NAT1: variants seen among roughly 807,000 people sequenced by gnomAD.
The protein encoded by NAT1 is N-acetyltransferase 1, also known as arylamine N-acetyltransferase 1.
For missense variants in NAT1, 400 were observed against 339.2 expected (o/e 1.18, Z -1.41); for synonymous variants, 144 against 122.6 (o/e 1.17, Z -1.16).
rs149824115 is a variant in NAT1, at chr8:18,217,085, G to A, written c.-85-2326G>A. 13 of 813,490 alleles carry A rather than the reference G, an allele frequency of 1.6e-5. No individual in the cohort carries two copies. The South Asian group carries it at 2.3e-4, about 14-fold the overall frequency. The allele number at this position is 813,490 out of a possible 1,614,324, so 50.4% of individuals were successfully genotyped here. On this transcript the variant is annotated intron_variant, in intron 1 of 2. Transcript: ENST00000307719. Reference sequence around the variant, plus strand: ...TGGGTGCTGTGAGTCTGGGGAATTAGTGAGAATTTCCTTTATTTGTTATAT... The same window carrying A: ...TGGGTGCTGTGAGTCTGGGGAATTAATGAGAATTTCCTTTATTTGTTATAT...
In NAT1 at chr8:18,200,041, G is replaced by C. The variant is rs985345864; in HGVS notation, n.93-9740G>C. 3.3e-5 allele frequency among the ~76,000 whole-genome samples: 5 copies of C among 152,124 alleles called. No individual in the cohort carries two copies. The South Asian group carries it at 8.3e-4, about 25-fold the overall frequency. ...GATGCTGGTGAGGTTGTGGAGAAAA[G>C]GTAACACTTATCAGGTTGTGGAGAA... is the stretch of plus-strand genomic sequence containing the variant. On this transcript the variant is annotated intron_variant and non_coding_transcript_variant, in intron 2 of 4. Transcript: ENST00000517441.
chr8:18,215,394 T>C (rs1804543907), intron 1 of NAT1, among the ~76,000 whole-genome samples: 1 of 152,226 alleles, frequency 6.6e-6, no homozygotes, highest in African/African-American at 2.4e-5. Flanking sequence ...AGTAGGAATA[T>C]CAAGCTTTTC....
upstream of NAT1, among the ~76,000 whole-genome samples, chr8:18,209,358 A>G (rs906142021): frequency 6.6e-6 from 1 of 152,260 alleles, no homozygotes; most frequent in Non-Finnish European, 1.5e-5. Flanking sequence ...GAAATGATAA[A>G]TGTTTGAAGT....
At chr8:18,172,962 A>G (rs1802151800) in intron 2 of NAT1, among the ~76,000 whole-genome samples, 1 of 152,126 alleles carries the variant, frequency 6.6e-6, no homozygotes, top group Non-Finnish European at 1.5e-5. Flanking sequence ...AAAGCATGTG[A>G]GGCTAGACGC....
intron 1 of NAT1, among the ~76,000 whole-genome samples, chr8:18,213,284 C>A (rs1280781055): frequency 2.0e-5 from 3 of 151,920 alleles, no homozygotes; most frequent in African/African-American, 7.3e-5. Flanking sequence ...GTCTAAAAAA[C>A]TTTAGACAGG....
At chr8:18,184,182 A>G (rs1802638162) in intron 2 of NAT1, among the ~76,000 whole-genome samples, 1 of 152,182 alleles carries the variant, frequency 6.6e-6, no homozygotes, top group Admixed American at 6.5e-5. Context: ...TGTTGAAGAA[A>G]TTCATGCCTC....
At chr8:18,171,611 A>C (rs961373428) in intron 2 of NAT1, among the ~76,000 whole-genome samples, 1 of 152,194 alleles carries the variant, frequency 6.6e-6, no homozygotes, top group Admixed American at 6.5e-5. Context: ...TAGCTAAGGT[A>C]TTTCTGCACA....
chr8:18,219,555 G>C, intron 2 of NAT1, 66 bp downstream of exon 2: 1 of 820,146 alleles, frequency 1.2e-6, no homozygotes, highest in African/African-American at 1.7e-5. Flanking sequence ...CCTCCTTTAA[G>C]TCTTATATTT....
intron 2 of NAT1, among the ~76,000 whole-genome samples, chr8:18,204,022 A>G (rs1193658649): frequency 6.6e-6 from 1 of 152,172 alleles, no homozygotes; most frequent in Non-Finnish European, 1.5e-5. Flanking sequence ...AGGGTGGGGC[A>G]ACCAGCCTTC....
At chr8:18,195,801 C>T (rs1209222048) in intron 2 of NAT1, among the ~76,000 whole-genome samples, 1 of 152,086 alleles carries the variant, frequency 6.6e-6, no homozygotes, top group Non-Finnish European at 1.5e-5. Context: ...GGTTCACTTT[C>T]AAAGTCGTGT....
chr8:18,174,919 G>T (rs1274840778), intron 2 of NAT1, among the ~76,000 whole-genome samples: 1 of 151,960 alleles, frequency 6.6e-6, no homozygotes, highest in Non-Finnish European at 1.5e-5. Context: ...AAGGGTTTAC[G>T]GTCTCCCCAC....
At chr8:18,192,802 G>T (rs1440700341) in intron 2 of NAT1, among the ~76,000 whole-genome samples, 2 of 150,706 alleles carry the variant, frequency 1.3e-5, no homozygotes, top group Admixed American at 1.3e-4. Flanking sequence ...AGAACACATG[G>T]ACACAGGAAG....
chr8:18,222,551 G>A lies in NAT1; in HGVS notation c.504G>A (p.Gln168=). 2 of 1,614,096 alleles carry A rather than the reference G, an allele frequency of 1.2e-6. No homozygotes were observed. Among genetic ancestry groups the A allele is most frequent in the Non-Finnish European group, 1.7e-6 (2 of 1,179,992 alleles). ...FWYLDQIRRE[Q]YIPNEEFLHS... is the part of the protein sequence containing the mutation. ...ATCTAGACCAAATCAGAAGGGAACA[G>A]TACATTCCAAATGAAGAATTTCTTC... Residue 168 remains glutamine (Q), a synonymous_variant, in exon 3 of 3, where the codon CAG becomes CAA. Coordinates refer to ENST00000307719, the MANE Select transcript of NAT1 (RefSeq NM_000662.8).
Position 18,193,631 on chromosome 8 carries a change from C to CTTT in NAT1, n.93-16129_93-16127dup, listed in dbSNP as rs796247875. ...TGTAATAATGCTACCTGTAAACCTG[C>CTTT]TTTTTTTTTTTTTTTTTTTTTTTCG... On this transcript the variant is annotated intron_variant and non_coding_transcript_variant, in intron 2 of 4. Transcript: ENST00000517441. 4.7e-3 allele frequency among the ~76,000 whole-genome samples: 268 copies of CTTT among 57,550 alleles called. 14 individuals carry two copies. The highest frequency in any genetic ancestry group is 0.023 in the Middle Eastern group (1 of 44). 37.8% of individuals were successfully genotyped at this position (57,550 alleles called of 152,430 possible). A position where few individuals can be genotyped will look rare whatever the true frequency, so the allele number is the denominator to read the frequency against.
intron 1 of NAT1, chr8:18,217,138 G>A: frequency 1.7e-6 from 1 of 599,194 alleles, no homozygotes; most frequent in East Asian, 2.8e-5. Flanking sequence ...GAGTCCCCAT[G>A]ATGAGATCAG....
chr8:18,192,457 A>G (rs1392073508), intron 2 of NAT1, among the ~76,000 whole-genome samples: 1 of 152,218 alleles, frequency 6.6e-6, no homozygotes, highest in Non-Finnish European at 1.5e-5. Context: ...CTAGAACTAC[A>G]AATACCATGT....
At chr8:18,184,084 C>T (rs925668931) in intron 2 of NAT1, among the ~76,000 whole-genome samples, 12 of 152,080 alleles carry the variant, frequency 7.9e-5, no homozygotes, top group African/African-American at 2.9e-4. Context: ...CTAGGCATTA[C>T]CTTGATGAAG....
intron 2 of NAT1, among the ~76,000 whole-genome samples, chr8:18,183,832 A>G (rs6586707): frequency 0.042 from 6,460 of 152,278 alleles, 442 homozygotes; most frequent in African/African-American, 0.15. Context: ...AGGGCCTTAC[A>G]TCTTAAGGCT....
chr8:18,176,277 T>C (rs1049853129), intron 2 of NAT1, among the ~76,000 whole-genome samples: 3 of 152,138 alleles, frequency 2.0e-5, no homozygotes, highest in African/African-American at 7.2e-5. Context: ...CCAAGAAATC[T>C]TGCCCACACC....
Sources: allele counts gnomAD v4.1 joint callset (sites outside exome capture counted in the v4.1 genomes callset), GRCh38; gene constraint gnomAD v4.1.1; transcripts MANE v1.5; gene names NCBI Gene and HGNC (gene_info 2026-07-23, HGNC 2026-07-21).